Variants in SGCZ observed in about 807,000 individuals in gnomAD.
The protein encoded by SGCZ is zeta-sarcoglycan.
Under a neutral mutation model 41.3 loss-of-function variants are expected in SGCZ, and 40 were observed. That is an observed-to-expected ratio of 0.97 (90% CI 0.75 to 1.26). SGCZ has a LOEUF of 1.26. SGCZ is among the 50% of genes most tolerant of loss of function. SGCZ has a pLI of 0.00. For synonymous variants in SGCZ, 206 were observed against 137.5 expected (o/e 1.50, Z -3.49); for missense variants, 552 against 369.8 (o/e 1.49, Z -4.04).
intron 1 of SGCZ, among the ~76,000 whole-genome samples, chr8:14,760,785 T>C (rs1799843697): frequency 6.6e-6 from 1 of 152,226 alleles, no homozygotes; most frequent in African/African-American, 2.4e-5. Flanking sequence ...TGTTGCAATA[T>C]CTGGGCCCTA....
intron 1 of SGCZ, among the ~76,000 whole-genome samples, chr8:15,046,529 T>C (rs922139352): frequency 1.3e-5 from 2 of 152,028 alleles, no homozygotes; most frequent in Admixed American, 6.6e-5. Context: ...TTTTTCTATG[T>C]TCCCGTCATT....
intron 2 of SGCZ, among the ~76,000 whole-genome samples, chr8:14,516,959 A>C (rs2117090247): frequency 6.6e-6 from 1 of 152,158 alleles, no homozygotes; most frequent in East Asian, 1.9e-4. Flanking sequence ...TTGCTATTAA[A>C]ATTTAAGGAA....
At position 14,428,440 on chromosome 8, in the gene SGCZ, G is replaced by A. The variant is rs533423703; in HGVS notation, c.235-104236C>T. On this transcript the variant is annotated intron_variant, in intron 2 of 7. Transcript: ENST00000382080. ...TTCATATAGACAAGCCAAAATTCAC[G>A]GTAATTATATTTTGTACCTAACTGT... Among the ~76,000 whole-genome samples the A allele has an allele frequency of 4.7e-4, 71 of 151,762 alleles. 2 individuals are homozygous for A. In the South Asian group the frequency reaches 0.014, roughly 30 times the overall value.
At chr8:14,786,622 C>T (rs750574685) in intron 1 of SGCZ, among the ~76,000 whole-genome samples, 9 of 151,958 alleles carry the variant, frequency 5.9e-5, no homozygotes, top group African/African-American at 1.2e-4. Flanking sequence ...AAAAGAGATG[C>T]TGAAGCCTCC....
chr8:14,899,005 T>A (rs1563348290), intron 1 of SGCZ, among the ~76,000 whole-genome samples: 1 of 152,236 alleles, frequency 6.6e-6, no homozygotes, highest in East Asian at 1.9e-4. Flanking sequence ...GATGATTCAC[T>A]TTTTGAATAT....
At chr8:15,150,337 C>A (rs969825718) in intron 1 of SGCZ, among the ~76,000 whole-genome samples, 1 of 152,112 alleles carries the variant, frequency 6.6e-6, no homozygotes, top group African/African-American at 2.4e-5. Flanking sequence ...TTCAGTTAGA[C>A]CCTGGTTGAA....
At chr8:14,734,649 C>T (rs184213213) in intron 1 of SGCZ, among the ~76,000 whole-genome samples, 71 of 152,200 alleles carry the variant, frequency 4.7e-4, no homozygotes, top group Non-Finnish European at 8.7e-4. Flanking sequence ...AATAAAGAGA[C>T]AATTCCAATG....
intron 1 of SGCZ, among the ~76,000 whole-genome samples, chr8:15,232,702 T>C (rs1397284242): frequency 2.1e-5 from 3 of 141,354 alleles, no homozygotes; most frequent in African/African-American, 7.6e-5. Context: ...TGTGTATATA[T>C]ATACATATAT....
intron 4 of SGCZ, among the ~76,000 whole-genome samples, chr8:14,173,833 C>T (rs947955825): frequency 6.6e-6 from 1 of 152,022 alleles, no homozygotes; most frequent in Non-Finnish European, 1.5e-5. Context: ...ACACTAAACA[C>T]TGCCATAAAA....
At chr8:14,908,647 G>A (rs954505570) in intron 1 of SGCZ, among the ~76,000 whole-genome samples, 31 of 151,390 alleles carry the variant, frequency 2.0e-4, no homozygotes, top group Admixed American at 8.6e-4. Context: ...CTACTCAGGA[G>A]GCTGAGGCAG....
At chr8:14,789,668 C>T (rs746389269) in intron 1 of SGCZ, among the ~76,000 whole-genome samples, 4 of 152,152 alleles carry the variant, frequency 2.6e-5, no homozygotes, top group Non-Finnish European at 4.4e-5. Flanking sequence ...GTACATGCAG[C>T]TTGTACTTCC....
At chr8:14,772,362 A>G (rs1243617018) in intron 1 of SGCZ, among the ~76,000 whole-genome samples, 1 of 152,174 alleles carries the variant, frequency 6.6e-6, no homozygotes, top group African/African-American at 2.4e-5. Context: ...AAAAGTTTGT[A>G]TGAAATATAA....
intron 5 of SGCZ, among the ~76,000 whole-genome samples, chr8:14,153,459 T>A (rs1363327243): frequency 2.0e-5 from 3 of 152,148 alleles, no homozygotes; most frequent in Non-Finnish European, 4.4e-5. Flanking sequence ...GGGAGTGCGA[T>A]TCTATTGCAG....
intron 1 of SGCZ, among the ~76,000 whole-genome samples, chr8:15,188,803 A>T (rs1486151615): frequency 6.6e-6 from 1 of 152,058 alleles, no homozygotes; most frequent in Non-Finnish European, 1.5e-5. Flanking sequence ...GTATCAGGAG[A>T]TGTTGATTTG....
intron 1 of SGCZ, among the ~76,000 whole-genome samples, chr8:14,944,177 TA>T (rs1800368365): frequency 6.6e-6 from 1 of 152,214 alleles, no homozygotes; most frequent in Admixed American, 6.5e-5. Flanking sequence ...TGAAGGTAGC[TA>T]GGTCTTCACC....
intron 1 of SGCZ, among the ~76,000 whole-genome samples, chr8:15,086,028 G>A (rs1319749999): frequency 2.0e-5 from 3 of 152,230 alleles, no homozygotes; most frequent in East Asian, 1.9e-4. Flanking sequence ...ATAAACATTT[G>A]CTTCTAGAGC....
chr8:15,076,056 T>G (rs1226807928), intron 1 of SGCZ, among the ~76,000 whole-genome samples: 4 of 152,202 alleles, frequency 2.6e-5, no homozygotes, highest in East Asian at 3.9e-4. Flanking sequence ...TAATAGATAC[T>G]TAAAATATGA....
In SGCZ at chr8:14,720,923, A is replaced by T. The variant is rs545661843; in HGVS notation, c.40-165997T>A. On this transcript the variant is annotated intron_variant, in intron 1 of 7. Coordinates refer to ENST00000382080, the MANE Select transcript of SGCZ (RefSeq NM_139167.4). Reference sequence around the variant, plus strand: ...ACTTCATGGAAACTGTTTTTTTTTTAATTTTTTTTATGATTATAAATGACC... The same window carrying T: ...ACTTCATGGAAACTGTTTTTTTTTTTATTTTTTTTATGATTATAAATGACC... Among the ~76,000 whole-genome samples, 264 of 148,264 alleles carry T rather than the reference A, an allele frequency of 1.8e-3. 6 individuals carry two copies. The highest frequency in any genetic ancestry group is 0.014 in the Admixed American group (209 of 14,776).
intron 2 of SGCZ, among the ~76,000 whole-genome samples, chr8:14,365,162 C>G (rs1482211008): frequency 6.6e-6 from 1 of 151,886 alleles, no homozygotes; most frequent in East Asian, 1.9e-4. Flanking sequence ...GGGTACATCC[C>G]TTTTTGATTT....
Sources: gnomAD v4.1 joint callset for allele counts (sites outside exome capture counted in the v4.1 genomes callset) on GRCh38, gnomAD v4.1.1 for gene constraint, MANE v1.5 for transcripts, NCBI Gene and HGNC (gene_info 2026-07-23, HGNC 2026-07-21) for gene names.